Variants in DNAJC2 observed in about 807,000 individuals in gnomAD.
DNAJC2 encodes the protein dnaJ homolog subfamily C member 2.
DNAJC2 carries 32 observed loss-of-function variants against 94.0 expected under a neutral mutation model. The observed-to-expected ratio is 0.34, with a 90% CI of 0.26 to 0.46. The LOEUF is 0.46. Ranked by LOEUF, DNAJC2 falls within the 20% of genes least tolerant of loss-of-function variation. The probability of loss-of-function intolerance (pLI) is 1.00; values close to 1 mark genes in which losing one functional copy is unlikely to be tolerated. For missense variants in DNAJC2, 550 were observed against 719.5 expected (o/e 0.76, Z 2.69); for synonymous variants, 210 against 229.7 (o/e 0.91, Z 0.77).
Position 103,320,335 on chromosome 7 carries a change from G to A in DNAJC2, c.1084-491C>T, listed in dbSNP as rs188970443. ...GAACTCCTGACCTTGTGATCCACCCGCCTCAGCCTCCCAAAGTGCTGGTTA... is the reference window on the plus strand; with the variant it reads ...GAACTCCTGACCTTGTGATCCACCCACCTCAGCCTCCCAAAGTGCTGGTTA... On this transcript the variant is annotated intron_variant, in intron 10 of 16. Transcript: ENST00000379263. 2.8e-3 allele frequency among the ~76,000 whole-genome samples: 423 copies of A among 151,936 alleles called. 9 individuals are homozygous for A. The highest frequency in any genetic ancestry group is 0.025 in the Admixed American group (389 of 15,268).
intron 3 of DNAJC2, among the ~76,000 whole-genome samples, chr7:103,330,964 A>ATTT (rs1040881184): frequency 7.2e-6 from 1 of 139,304 alleles, no homozygotes. Context: ...AACAAAATCC[A>ATTT]TTTTTTTTTT....
Position 103,322,498 on chromosome 7 carries a change from A to C in DNAJC2, c.933+13T>G. 1.4e-6 allele frequency: 2 copies of C among 1,449,260 alleles called. No individual in the cohort carries two copies. Among genetic ancestry groups the C allele is most frequent in the Non-Finnish European group, 1.9e-6 (2 of 1,062,992 alleles). The allele number at this position is 1,449,260 out of a possible 1,614,324, so 89.8% of individuals were successfully genotyped here. ...AAACATTTAAAGTCCACCTTCATTA[A>C]ATGTTGTCTTACTTTTTCTTTAGCT... On this transcript the variant is annotated intron_variant, in intron 9 of 16. Coordinates refer to ENST00000379263, the MANE Select transcript of DNAJC2 (RefSeq NM_014377.3).
Position 103,319,611 on chromosome 7 carries a change from G to GT in DNAJC2, c.1239dup (p.Gln414ThrfsTer7), listed in dbSNP as rs1448759182. ...GGAGTGATGTGTTCCTCTATTACCT[G>GT]TTTTTCCAAAGCAGCCTTTCCTACT... is the stretch of plus-strand genomic sequence containing the variant. On this transcript the variant is annotated frameshift_variant, in exon 12 of 17. Coordinates refer to ENST00000379263, the MANE Select transcript of DNAJC2 (RefSeq NM_014377.3). LOFTEE classifies it high-confidence loss of function. The GT allele has an allele frequency of 6.2e-7, 1 of 1,614,028 alleles. No individual in the cohort carries two copies.
intron 12 of DNAJC2, among the ~76,000 whole-genome samples, chr7:103,318,914 C>G (rs1818224682): frequency 6.6e-6 from 1 of 152,142 alleles, no homozygotes. Flanking sequence ...ACAACAGCAC[C>G]TTACTACATA....
chr7:103,315,880 T>A lies in DNAJC2; in HGVS notation c.1529-9A>T. 1 of 1,594,754 alleles carries A rather than the reference T, an allele frequency of 6.3e-7. No individual in the cohort carries two copies. Among genetic ancestry groups the A allele is most frequent in the African/African-American group, 1.3e-5 (1 of 74,266 alleles). On this transcript the variant is annotated splice_polypyrimidine_tract_variant and intron_variant, in intron 14 of 16. Transcript: ENST00000379263. ...ATCTTTTTGATGAGGGTCTGAGAAA[T>A]GAAAAAAATTTAATACTTAACAGAT...
chr7:103,330,926 C>T (rs1353036629), intron 3 of DNAJC2, among the ~76,000 whole-genome samples: 1 of 151,470 alleles, frequency 6.6e-6, no homozygotes, highest in African/African-American at 2.4e-5. Flanking sequence ...TTATGGGGTG[C>T]ATGTGATTAT....
In DNAJC2 at chr7:103,316,806, GAA is replaced by G. The variant is rs762886514; in HGVS notation, c.1427+22_1427+23del. On this transcript the variant is annotated intron_variant, in intron 13 of 16. Transcript: ENST00000379263. Reference sequence around the variant, plus strand: ...TCTCCAGGCTCCAGTGTGAGTTGAAGAAAAGTTTCATTAAAACCAGTACCTTG... The same window carrying G: ...TCTCCAGGCTCCAGTGTGAGTTGAAGAAGTTTCATTAAAACCAGTACCTTG... 3.7e-6 allele frequency: 6 copies of G among 1,601,892 alleles called. No homozygotes were observed. The Admixed American group carries it at 8.5e-5, about 23-fold the overall frequency.
chr7:103,342,632 G>C (rs909112044), intron 1 of DNAJC2, among the ~76,000 whole-genome samples: 21 of 142,062 alleles, frequency 1.5e-4, no homozygotes, highest in Admixed American at 3.6e-4. Context: ...TTTTTGGGAC[G>C]GAGTCTTGCT....
At chr7:103,327,590 C>T in intron 4 of DNAJC2, 66 bp downstream of exon 4, 6 of 1,088,886 alleles carry the variant, frequency 5.5e-6, no homozygotes, top group East Asian at 4.8e-5. Context: ...CATAAGAAAC[C>T]CAATCCCAGC....
intron 3 of DNAJC2, among the ~76,000 whole-genome samples, chr7:103,328,266 G>A (rs1446742167): frequency 6.6e-6 from 1 of 151,958 alleles, no homozygotes; most frequent in Non-Finnish European, 1.5e-5. Flanking sequence ...CCTAACCAAC[G>A]ACAATGACTC....
In DNAJC2 at chr7:103,316,958, C is replaced by CA; in HGVS notation, c.1298dup (p.Met433IlefsTer6). On this transcript the variant is annotated frameshift_variant, in exon 13 of 17. Coordinates refer to ENST00000379263, the MANE Select transcript of DNAJC2 (RefSeq NM_014377.3). LOFTEE classifies it high-confidence loss of function. ...TCTCTGTGTTCTTAGATGCTTGTCG[C>CA]ATACGAGCCTCAGCTTCCTCTTTCT... 1 of 1,614,020 alleles carries CA rather than the reference C, an allele frequency of 6.2e-7. No individual in the cohort carries two copies. Among genetic ancestry groups the CA allele is most frequent in the East Asian group, 2.2e-5 (1 of 44,880 alleles).
intron 15 of DNAJC2, chr7:103,314,513 G>A (rs1817936665): frequency 1.0e-6 from 1 of 985,190 alleles, no homozygotes; most frequent in Non-Finnish European, 1.2e-6. Flanking sequence ...CCTCCAACAT[G>A]GAAACAAGTC....
At position 103,324,470 on chromosome 7, in the gene DNAJC2, A is replaced by G; in HGVS notation, c.653+12T>C. On this transcript the variant is annotated intron_variant, in intron 6 of 16. Transcript: ENST00000379263. ...AAAATGACAGCATCATACAAACAGTATATTCACTTACCAGAAAGAATAAAA... is the reference window on the plus strand; with the variant it reads ...AAAATGACAGCATCATACAAACAGTGTATTCACTTACCAGAAAGAATAAAA... 6.8e-7 allele frequency: 1 copy of G among 1,481,442 alleles called. No homozygotes were observed. Among genetic ancestry groups the G allele is most frequent in the Non-Finnish European group, 9.1e-7 (1 of 1,099,482 alleles). 91.8% of individuals were successfully genotyped at this position (1,481,442 alleles called of 1,614,324 possible).
At chr7:103,317,700 G>A (rs1175576470) in intron 12 of DNAJC2, among the ~76,000 whole-genome samples, 1 of 152,102 alleles carries the variant, frequency 6.6e-6, no homozygotes, top group Non-Finnish European at 1.5e-5. Flanking sequence ...GCCCAGGCTG[G>A]AGTGCAGTGG....
intron 3 of DNAJC2, among the ~76,000 whole-genome samples, chr7:103,328,118 C>T (rs1307169485): frequency 6.6e-6 from 1 of 151,786 alleles, no homozygotes; most frequent in Non-Finnish European, 1.5e-5. Flanking sequence ...AACAAGGTTT[C>T]ACTATGTTGG....
At position 103,316,951 on chromosome 7, in the gene DNAJC2, C is replaced by G; in HGVS notation, c.1306G>C (p.Ala436Pro). 6.2e-7 allele frequency: 1 copy of G among 1,614,032 alleles called. No individual in the cohort carries two copies. The highest frequency in any genetic ancestry group is 8.5e-7 in the Non-Finnish European group (1 of 1,180,010). ...GTTGATTTCTCTGTGTTCTTAGATG[C>G]TTGTCGCATACGAGCCTCAGCTTCC... ...KEEAEARMRQ[A>P]SKNTEKSTGG... is the part of the protein sequence containing the mutation. Residue 436 changes from alanine (A) to proline (P), a missense_variant, in exon 13 of 17, where the codon GCA (alanine) becomes CCA (proline). Physicochemically the swap from Ala to Pro is conservative, Grantham distance 27. Around this residue, in one of 2 missense-constraint regions of DNAJC2, gnomAD observed 271 missense variants for 302.6 expected, o/e 0.90. Transcript: ENST00000379263.
chr7:103,336,292 T>C (rs1380455850), intron 3 of DNAJC2: 3 of 152,248 alleles, frequency 2.0e-5, no homozygotes. Flanking sequence ...AGTTCTATTA[T>C]CAATTCTAAT....
chr7:103,341,985 G>T, intron 1 of DNAJC2, 31 bp from the exon 2 acceptor site: 3 of 1,482,574 alleles, frequency 2.0e-6, no homozygotes, highest in Non-Finnish European at 2.7e-6. Context: ...AGAGGCTTCA[G>T]TGTATCGCAT....
chr7:103,338,495 C>T (rs936093767), intron 2 of DNAJC2, among the ~76,000 whole-genome samples: 1 of 151,182 alleles, frequency 6.6e-6, no homozygotes, highest in African/African-American at 2.4e-5. Context: ...CAGGGTTTCA[C>T]CTTGTTGGTC....
Sources: gnomAD v4.1 joint callset for allele counts (sites outside exome capture counted in the v4.1 genomes callset) on GRCh38, gnomAD v4.1.1 for gene constraint, gnomAD v4.1.1 regional missense constraint, MANE v1.5 for transcripts, NCBI Gene and HGNC (gene_info 2026-07-23, HGNC 2026-07-21) for gene names.